Variants in EFTUD2 observed in about 807,000 individuals in gnomAD.
The protein encoded by EFTUD2 is elongation factor Tu GTP binding domain containing 2, also known as 116 kDa U5 small nuclear ribonucleoprotein component.
A neutral mutation model predicts 114.3 loss-of-function variants in EFTUD2; 9 were observed. The observed-to-expected ratio is 0.08, with a 90% CI of 0.05 to 0.14. The LOEUF (loss-of-function observed/expected upper bound fraction) is 0.14. Among genes scored for constraint, EFTUD2 ranks in the 10% least tolerant of loss-of-function variants. EFTUD2 has a pLI of 1.00. For synonymous variants in EFTUD2, 449 were observed against 462.3 expected (o/e 0.97, Z 0.37); for missense variants, 765 against 1,241.2 (o/e 0.62, Z 5.76).
At position 44,890,420 on chromosome 17, in the gene EFTUD2, C is replaced by T. The variant is rs1054242568; in HGVS notation, c.106-3670G>A. ...TTAAAAAAAAAAATCTGTCCAGGTG[C>T]GGTGGCTCACACCTGTAATCCCAGC... is the stretch of plus-strand genomic sequence containing the variant. On this transcript the variant is annotated intron_variant, in intron 2 of 27. Coordinates refer to ENST00000426333, the MANE Select transcript of EFTUD2 (RefSeq NM_004247.4). 1.5e-4 allele frequency among the ~76,000 whole-genome samples: 22 copies of T among 151,502 alleles called. No individual in the cohort carries two copies. The South Asian group carries it at 4.6e-3, about 32-fold the overall frequency.
intron 18 of EFTUD2, 43 bp downstream of exon 18, chr17:44,859,862 G>T: frequency 6.2e-7 from 1 of 1,612,748 alleles, no homozygotes; most frequent in Non-Finnish European, 8.5e-7. Flanking sequence ...CCATTCAGCT[G>T]GGGATAGTGG....
chr17:44,888,235 A>G (rs1293041077), intron 2 of EFTUD2, among the ~76,000 whole-genome samples: 1 of 152,174 alleles, frequency 6.6e-6, no homozygotes, highest in East Asian at 1.9e-4. Flanking sequence ...AACAGACAGG[A>G]TCTTCTGGAC....
In EFTUD2 at chr17:44,854,467, CA is replaced by C. The variant is rs573375738; in HGVS notation, c.2259+88del. 3.2e-6 allele frequency: 5 copies of C among 1,578,430 alleles called. No individual in the cohort carries two copies. The African/African-American group carries it at 6.8e-5, about 21-fold the overall frequency. ...GGATACTGTCCTTCACCAGAGGACACAAGATACTTTTGGGAAAAGAACACTT... is the reference window on the plus strand; with the variant it reads ...GGATACTGTCCTTCACCAGAGGACACAGATACTTTTGGGAAAAGAACACTT... On this transcript the variant is annotated intron_variant, in intron 22 of 27. Transcript: ENST00000426333. This position sits in a 1 kb window ranked among gnomAD's most constrained non-coding sequence, Gnocchi z 4.3.
At chr17:44,868,173 TA>T (rs879181467) in intron 12 of EFTUD2, 113 bp downstream of exon 12, 127,165 of 789,602 alleles carry the variant, frequency 0.16, 10 homozygotes, top group East Asian at 0.24. Flanking sequence ...TAGTTTACAT[TA>T]AAAAAAAAAA....
chr17:44,852,382 G>A (rs985793018), intron 26 of EFTUD2, 27 bp downstream of exon 26: 1 of 1,612,906 alleles, frequency 6.2e-7, no homozygotes, highest in Non-Finnish European at 8.5e-7. Context: ...GGGAAGCCAA[G>A]TCCGCCAGCC....
At chr17:44,875,256 G>A (rs2050925268) in intron 10 of EFTUD2, among the ~76,000 whole-genome samples, 1 of 151,860 alleles carries the variant, frequency 6.6e-6, no homozygotes, top group Non-Finnish European at 1.5e-5. Context: ...ATTGGCCGGG[G>A]GTGGTGGTTC....
At chr17:44,867,297 A>ATTTTTT (rs3058538) in intron 13 of EFTUD2, among the ~76,000 whole-genome samples, 1 of 121,324 alleles carries the variant, frequency 8.2e-6, no homozygotes. Context: ...CTTTCCTTTG[A>ATTTTTT]TTTTTTTTTT....
At chr17:44,885,786 C>T (rs1411654180) in intron 3 of EFTUD2, among the ~76,000 whole-genome samples, 1 of 152,068 alleles carries the variant, frequency 6.6e-6, no homozygotes, top group African/African-American at 2.4e-5. Flanking sequence ...ACCACCATGC[C>T]CAGCTAATTT....
Position 44,850,413 on chromosome 17 carries a change from G to A in EFTUD2, c.*861C>T, listed in dbSNP as rs200400475. On this transcript the variant is annotated 3_prime_UTR_variant, in exon 28 of 28. Coordinates refer to ENST00000426333, the MANE Select transcript of EFTUD2 (RefSeq NM_004247.4). Reference sequence around the variant, plus strand: ...GAGAAGTAGGACTCCTATAGGAGCCGGGGCTGTCCAACTCCCCTAACTCAA... The same window carrying A: ...GAGAAGTAGGACTCCTATAGGAGCCAGGGCTGTCCAACTCCCCTAACTCAA... 116 of 1,600,032 alleles carry A rather than the reference G, an allele frequency of 7.2e-5. No homozygotes were observed. The highest frequency in any genetic ancestry group is 9.4e-5 in the Non-Finnish European group (110 of 1,169,284).
intron 13 of EFTUD2, 59 bp from the exon 14 acceptor site, chr17:44,865,124 G>C: frequency 4.4e-6 from 7 of 1,589,746 alleles, no homozygotes; most frequent in Non-Finnish European, 6.0e-6. Flanking sequence ...GGTGCTAGAG[G>C]GAGACAAGGG....
At position 44,854,317 on chromosome 17, in the gene EFTUD2, C is replaced by T. The variant is rs775893755; in HGVS notation, c.2299G>A (p.Val767Ile). The T allele has an allele frequency of 2.2e-5, 36 of 1,613,906 alleles. No individual in the cohort carries two copies. The East Asian group carries it at 2.9e-4, about 13-fold the overall frequency. The change falls in exon 23 of 28, where the codon GTT becomes ATT. Residue 767 changes from valine (V) to isoleucine (I), a missense_variant. Physicochemically the swap from Val to Ile is conservative, Grantham distance 29. Transcript: ENST00000426333. The surrounding 1 kb of genome is among the most constrained non-coding windows in gnomAD (Gnocchi z 4.3). ...CTGGTTCCCCACTGGAAACCTTGAA[C>T]GATGCTGTCCTTCACTGAACCAAGA... ...ALLGSVKDSI[V>I]QGFQWGTREG...
intron 10 of EFTUD2, among the ~76,000 whole-genome samples, chr17:44,873,877 G>A (rs186438519): frequency 2.7e-5 from 4 of 150,512 alleles, no homozygotes; most frequent in East Asian, 2.0e-4. Context: ...GATTACAGGC[G>A]CCCGCCACCA....
chr17:44,867,894 T>C lies in EFTUD2; in HGVS notation c.1062A>G (p.Arg354=), dbSNP rs2050779113. 1.3e-6 allele frequency: 2 copies of C among 1,593,562 alleles called. No individual in the cohort carries two copies. The highest frequency in any genetic ancestry group is 1.3e-5 in the African/African-American group (1 of 74,522). The part of the protein sequence containing the change: ...WGDIYFNPKT[R]KFTKKAPTSS... ...TAGTTGGGGCCTTTTTGGTGAACTT[T>C]CGCCTAAAAGGAAAAATAAGTTCTG... Residue 354 remains arginine, a synonymous_variant, in exon 13 of 28, where the codon CGA becomes CGG. Transcript: ENST00000426333.
At chr17:44,860,193 G>C in intron 17 of EFTUD2, 148 bp from the exon 18 acceptor site, 1 of 1,100,352 alleles carries the variant, frequency 9.1e-7, no homozygotes, top group East Asian at 2.5e-5. Context: ...TAACCTGAAG[G>C]GCCATTTCTT....
At chr17:44,884,509 A>G (rs1205895945) in intron 4 of EFTUD2, among the ~76,000 whole-genome samples, 4 of 142,506 alleles carry the variant, frequency 2.8e-5, no homozygotes, top group Non-Finnish European at 6.1e-5. Context: ...ACAGAGTGAG[A>G]CCCCGCATCG....
chr17:44,886,518 T>C (rs1311191818), intron 3 of EFTUD2, 67 bp downstream of exon 3: 1 of 1,576,228 alleles, frequency 6.3e-7, no homozygotes. Context: ...CTTTTAAGGT[T>C]TGCTGAGAGC....
At chr17:44,894,880 AC>A (rs1248399333) in intron 1 of EFTUD2, among the ~76,000 whole-genome samples, 2 of 152,250 alleles carry the variant, frequency 1.3e-5, no homozygotes, top group African/African-American at 4.8e-5. Flanking sequence ...CCCTCCCTCC[AC>A]TTTTTTAATA....
intron 11 of EFTUD2, among the ~76,000 whole-genome samples, chr17:44,871,224 C>G (rs1297050727): frequency 6.6e-6 from 1 of 151,920 alleles, no homozygotes; most frequent in Non-Finnish European, 1.5e-5. Context: ...GGGGTTTCGC[C>G]ATGTTGCCCA....
chr17:44,851,231 G>T lies in EFTUD2; in HGVS notation c.*43C>A. ...GGTCTCAGCTTCAAGTACAGGAGTT[G>T]CAGCCCACTGTAGGGAGCAGGAGCT... On this transcript the variant is annotated 3_prime_UTR_variant, in exon 28 of 28. Transcript: ENST00000426333. 2 of 1,503,490 alleles carry T rather than the reference G, an allele frequency of 1.3e-6. No homozygotes were observed. The highest frequency in any genetic ancestry group is 9.3e-7 in the Non-Finnish European group (1 of 1,080,194). The allele number at this position is 1,503,490 out of a possible 1,614,324, so 93.1% of individuals were successfully genotyped here.
Sources: gnomAD v4.1 joint callset for allele counts (sites outside exome capture counted in the v4.1 genomes callset) on GRCh38, gnomAD v4.1.1 for gene constraint, Gnocchi (gnomAD v3.1) non-coding constraint, MANE v1.5 for transcripts, NCBI Gene and HGNC (gene_info 2026-07-23, HGNC 2026-07-21) for gene names.